The following GPC6 variants were observed in gnomAD, a reference collection of about 807,000 sequenced individuals.
GPC6 encodes glypican-6.
A neutral mutation model predicts 55.2 loss-of-function variants in GPC6; 14 were observed. The ratio of observed to expected loss-of-function variants is 0.25; its 90% CI spans 0.17 to 0.40. The LOEUF (loss-of-function observed/expected upper bound fraction) is 0.40, where lower values mean the gene tolerates loss of function less well. GPC6 is among the 10% of genes least tolerant of loss of function. The probability of loss-of-function intolerance (pLI) is 1.00; values close to 1 mark genes in which losing one functional copy is unlikely to be tolerated. For synonymous variants in GPC6, 278 were observed against 259.6 expected (o/e 1.07, Z -0.68); for missense variants, 641 against 708.5 (o/e 0.90, Z 1.08).
At chr13:93,739,717 C>T (rs1459587782) in intron 2 of GPC6, among the ~76,000 whole-genome samples, 1 of 152,182 alleles carries the variant, frequency 6.6e-6, no homozygotes, top group Non-Finnish European at 1.5e-5. Context: ...GTGTGAACCA[C>T]CATGCCCAGC....
intron 2 of GPC6, among the ~76,000 whole-genome samples, chr13:93,596,164 TCAGAGGC>T (rs1171211058): frequency 4.6e-5 from 7 of 152,240 alleles, no homozygotes; most frequent in African/African-American, 1.7e-4. Flanking sequence ...GGAGATGGGA[TCAGAGGC>T]CAGAGGCCAG....
chr13:94,218,226 G>T (rs1469067370), intron 4 of GPC6, among the ~76,000 whole-genome samples: 1 of 152,154 alleles, frequency 6.6e-6, no homozygotes, highest in Non-Finnish European at 1.5e-5. Context: ...CCTGTAAAAT[G>T]GGAGAAGTTA....
chr13:94,025,525 T>C (rs970234571), intron 3 of GPC6: 2 of 151,918 alleles, frequency 1.3e-5, no homozygotes, highest in Non-Finnish European at 2.9e-5. Flanking sequence ...ATCCAAGTAC[T>C]AACCTGGCCC....
intron 6 of GPC6, among the ~76,000 whole-genome samples, chr13:94,355,889 T>C (rs2139174182): frequency 6.6e-6 from 1 of 152,328 alleles, no homozygotes; most frequent in East Asian, 1.9e-4. Context: ...CACCTAGGTA[T>C]TAAACCCCGC....
At chr13:93,445,778 G>C (rs1877976522) in intron 1 of GPC6, among the ~76,000 whole-genome samples, 1 of 152,120 alleles carries the variant, frequency 6.6e-6, no homozygotes, top group Non-Finnish European at 1.5e-5. Context: ...TTGAATGAAT[G>C]AATGATGGAA....
At chr13:93,813,465 G>A (rs1886758616) in intron 2 of GPC6, among the ~76,000 whole-genome samples, 2 of 152,098 alleles carry the variant, frequency 1.3e-5, no homozygotes, top group South Asian at 4.1e-4. Flanking sequence ...ATTTGCTTTA[G>A]ATGTTTTTCC....
At chr13:93,460,289 C>T (rs1303543067) in intron 1 of GPC6, among the ~76,000 whole-genome samples, 3 of 152,168 alleles carry the variant, frequency 2.0e-5, no homozygotes, top group African/African-American at 7.2e-5. Context: ...TTAATTACTG[C>T]TGGTTCTTCA....
chr13:94,082,768 C>G lies in GPC6; in HGVS notation c.877+54874C>G, dbSNP rs373600880. On this transcript the variant is annotated intron_variant, in intron 4 of 8. Transcript: ENST00000377047. ...ATTTAGAAGTAGAGGATGTATCCTC[C>G]GTGAAACTTCCCCCAGATCCTCAGC... is the stretch of plus-strand genomic sequence containing the variant. 1.5e-4 allele frequency among the ~76,000 whole-genome samples: 23 copies of G among 152,256 alleles called. No homozygotes were observed. The East Asian group carries it at 2.9e-3, about 19-fold the overall frequency.
intron 1 of GPC6, among the ~76,000 whole-genome samples, chr13:93,410,577 G>T (rs1157744360): frequency 6.6e-6 from 1 of 152,096 alleles, no homozygotes. Context: ...GTGAGTTCTG[G>T]CAGATGGGAT....
At chr13:94,309,983 G>T (rs1876155729) in intron 6 of GPC6, among the ~76,000 whole-genome samples, 1 of 152,122 alleles carries the variant, frequency 6.6e-6, no homozygotes, top group African/African-American at 2.4e-5. Flanking sequence ...TACATAATTT[G>T]ATGTGAAACT....
chr13:93,683,635 A>G (rs1881937561), intron 2 of GPC6, among the ~76,000 whole-genome samples: 1 of 152,112 alleles, frequency 6.6e-6, no homozygotes, highest in Non-Finnish European at 1.5e-5. Context: ...AGTACAATTT[A>G]TATTTTTACA....
chr13:93,450,202 C>A (rs1878173448), intron 1 of GPC6, among the ~76,000 whole-genome samples: 1 of 152,154 alleles, frequency 6.6e-6, no homozygotes, highest in African/African-American at 2.4e-5. Context: ...GCATTTTTAT[C>A]ACAAGAGCCA....
At chr13:94,354,094 T>C (rs1338215667) in intron 6 of GPC6, among the ~76,000 whole-genome samples, 1 of 152,204 alleles carries the variant, frequency 6.6e-6, no homozygotes, top group Non-Finnish European at 1.5e-5. Flanking sequence ...ACAATGAACA[T>C]TTCCTCTTAC....
intron 2 of GPC6, among the ~76,000 whole-genome samples, chr13:93,652,357 C>T (rs1472253187): frequency 6.6e-6 from 1 of 152,182 alleles, no homozygotes; most frequent in Non-Finnish European, 1.5e-5. Context: ...CACCTTATGT[C>T]TTTCCCCATT....
chr13:93,978,146 G>T (rs1407193015), intron 3 of GPC6, among the ~76,000 whole-genome samples: 1 of 152,162 alleles, frequency 6.6e-6, no homozygotes, highest in African/African-American at 2.4e-5. Context: ...TGAAGATGGA[G>T]GAAGTGGCCA....
intron 1 of GPC6, among the ~76,000 whole-genome samples, chr13:93,324,560 GTATATATATA>G (rs536142258): frequency 8.6e-6 from 1 of 116,458 alleles, no homozygotes; most frequent in African/African-American, 3.8e-5. Flanking sequence ...ATATATATGT[GTATATATATA>G]TACACACACA....
chr13:93,993,495 C>T (rs1881405404), intron 3 of GPC6, among the ~76,000 whole-genome samples: 2 of 151,950 alleles, frequency 1.3e-5, no homozygotes, highest in African/African-American at 4.8e-5. Flanking sequence ...GGTGTTTCAC[C>T]ATGTTGGCCA....
At chr13:94,099,473 T>C (rs1158449447) in intron 4 of GPC6, among the ~76,000 whole-genome samples, 1 of 152,142 alleles carries the variant, frequency 6.6e-6, no homozygotes, top group East Asian at 1.9e-4. Flanking sequence ...GAGACTCTAT[T>C]TGCAAATGAA....
intron 4 of GPC6, among the ~76,000 whole-genome samples, chr13:94,270,599 GTCT>G (rs139694267): frequency 0.046 from 6,941 of 152,188 alleles, 290 homozygotes; most frequent in African/African-American, 0.11. Flanking sequence ...TCTCCTCCTT[GTCT>G]TCTTTTTCCA....
Sources: allele counts gnomAD v4.1 joint callset (sites outside exome capture counted in the v4.1 genomes callset), GRCh38; gene constraint gnomAD v4.1.1; transcripts MANE v1.5; gene names NCBI Gene and HGNC (gene_info 2026-07-23, HGNC 2026-07-21).